The following SCAPER variants were observed in gnomAD, a reference collection of about 807,000 sequenced individuals.
SCAPER encodes S-phase cyclin A associated protein in the ER.
Under a neutral mutation model 182.2 loss-of-function variants are expected in SCAPER, and 98 were observed. The ratio of observed to expected loss-of-function variants is 0.54; its 90% CI spans 0.46 to 0.64. The LOEUF is 0.64. Ranked by LOEUF, SCAPER falls within the 30% of genes least tolerant of loss-of-function variation. The pLI is 0.00. For missense variants in SCAPER, 1,432 were observed against 1,690.0 expected, an observed-to-expected ratio of 0.85 and a Z score of 2.68; for synonymous variants, 605 against 564.6, an observed-to-expected ratio of 1.07 and a Z score of -1.01.
At chr15:76,755,182 G>A (rs2062344596) in intron 14 of SCAPER, among the ~76,000 whole-genome samples, 1 of 152,164 alleles carries the variant, frequency 6.6e-6, no homozygotes, top group Non-Finnish European at 1.5e-5. Context: ...CTGTGATTGT[G>A]TTAGAGCACT....
chr15:76,472,410 T>C (rs777514936), intron 24 of SCAPER: 5 of 632,820 alleles, frequency 7.9e-6, no homozygotes, highest in East Asian at 3.2e-5. Context: ...GGTGACTGTA[T>C]AGTTTGAAAT....
intron 23 of SCAPER, among the ~76,000 whole-genome samples, chr15:76,552,657 C>G (rs1001657642): frequency 6.6e-6 from 1 of 152,126 alleles, no homozygotes; most frequent in East Asian, 1.9e-4. Flanking sequence ...AGAAAAGTAG[C>G]AGAGCAGGAC....
intron 25 of SCAPER, among the ~76,000 whole-genome samples, chr15:76,468,493 G>A (rs2049866006): frequency 6.6e-6 from 1 of 152,090 alleles, no homozygotes; most frequent in African/African-American, 2.4e-5. Flanking sequence ...AAGGGAACTA[G>A]GGCTTTATTA....
At chr15:76,469,207 T>C (rs773120121) in intron 25 of SCAPER, among the ~76,000 whole-genome samples, 1 of 152,216 alleles carries the variant, frequency 6.6e-6, no homozygotes, top group African/African-American at 2.4e-5. Flanking sequence ...TTCAAAGTAA[T>C]GTCTCTTATT....
chr15:76,528,441 C>T (rs781643895), intron 23 of SCAPER, among the ~76,000 whole-genome samples: 4 of 152,170 alleles, frequency 2.6e-5, no homozygotes, highest in African/African-American at 4.8e-5. Flanking sequence ...AGCACATCAA[C>T]ATGTCCAGAG....
intron 15 of SCAPER, among the ~76,000 whole-genome samples, chr15:76,744,482 GA>G (rs2061694772): frequency 6.6e-6 from 1 of 152,020 alleles, no homozygotes; most frequent in Non-Finnish European, 1.5e-5. Flanking sequence ...CAAAAGACAT[GA>G]ATTGACATTT....
chr15:76,714,999 T>C (rs2059811521), intron 17 of SCAPER, among the ~76,000 whole-genome samples: 1 of 152,070 alleles, frequency 6.6e-6, no homozygotes, highest in Non-Finnish European at 1.5e-5. Context: ...CCCAGCAGCA[T>C]GACATCCCCC....
intron 25 of SCAPER, among the ~76,000 whole-genome samples, chr15:76,460,310 A>G (rs887971344): frequency 6.6e-6 from 1 of 152,006 alleles, no homozygotes; most frequent in Non-Finnish European, 1.5e-5. Flanking sequence ...TAAGAATTTT[A>G]TTTTTATAGC....
chr15:76,794,447 G>C (rs1019822373), intron 8 of SCAPER, among the ~76,000 whole-genome samples: 1 of 152,094 alleles, frequency 6.6e-6, no homozygotes, highest in African/African-American at 2.4e-5. Flanking sequence ...CTACTACTAA[G>C]TTAGTATGAA....
chr15:76,858,821 G>A (rs927292778), intron 3 of SCAPER, among the ~76,000 whole-genome samples: 3 of 151,954 alleles, frequency 2.0e-5, no homozygotes, highest in Non-Finnish European at 2.9e-5. Context: ...TTATGGCTAC[G>A]TAGTAGTCCA....
intron 22 of SCAPER, among the ~76,000 whole-genome samples, chr15:76,586,387 A>C (rs1183876361): frequency 1.3e-5 from 2 of 152,128 alleles, no homozygotes; most frequent in Non-Finnish European, 2.9e-5. Flanking sequence ...TTAATTAAAT[A>C]AATTTAGGGC....
chr15:76,606,530 G>T (rs1281730107), intron 22 of SCAPER, among the ~76,000 whole-genome samples: 2 of 151,874 alleles, frequency 1.3e-5, no homozygotes, highest in African/African-American at 4.8e-5. Flanking sequence ...TGTCTATTAG[G>T]TCCACTTGGT....
At chr15:76,747,551 T>C (rs1377073176) in intron 15 of SCAPER, among the ~76,000 whole-genome samples, 2 of 151,998 alleles carry the variant, frequency 1.3e-5, no homozygotes, top group African/African-American at 4.8e-5. Context: ...ATTGCCAATG[T>C]TGGAGGTAGA....
intron 22 of SCAPER, among the ~76,000 whole-genome samples, chr15:76,575,057 C>T (rs1370337584): frequency 6.6e-6 from 1 of 152,164 alleles, no homozygotes; most frequent in Admixed American, 6.5e-5. Context: ...AAATGTCCTA[C>T]ATTTCCTCTC....
chr15:76,757,996 A>G (rs1317361093), intron 14 of SCAPER, among the ~76,000 whole-genome samples: 1 of 152,078 alleles, frequency 6.6e-6, no homozygotes, highest in Non-Finnish European at 1.5e-5. Context: ...AATATTTTAG[A>G]TATTAATGCC....
intron 27 of SCAPER, among the ~76,000 whole-genome samples, chr15:76,387,652 A>G (rs1298649618): frequency 6.6e-6 from 1 of 152,234 alleles, no homozygotes; most frequent in Non-Finnish European, 1.5e-5. Flanking sequence ...AATAGTCACC[A>G]GTAGGGTAAG....
intron 1 of SCAPER, among the ~76,000 whole-genome samples, chr15:76,901,721 TA>T (rs1431097929): frequency 1.5e-5 from 1 of 67,672 alleles, no homozygotes; most frequent in Non-Finnish European, 3.1e-5. Context: ...TAATTTCTAA[TA>T]ATTTTTTTTT....
At position 76,884,522 on chromosome 15, in the gene SCAPER, AAAC is replaced by A. The variant is rs535777037; in HGVS notation, c.-59-649_-59-647del. ...CACAGGGACTGGGAAATTGCTTAAC[AAAC>A]AACAACAACAACAACAAAAATGACC... On this transcript the variant is annotated intron_variant, in intron 1 of 31. Coordinates refer to ENST00000563290, the MANE Select transcript of SCAPER (RefSeq NM_020843.4). Among the ~76,000 whole-genome samples the A allele has an allele frequency of 1.8e-3, 269 of 152,246 alleles. 1 individual carries two copies. The highest frequency in any genetic ancestry group is 2.7e-3 in the Non-Finnish European group (181 of 68,000).
chr15:76,840,960 C>T (rs2069416777), intron 5 of SCAPER, among the ~76,000 whole-genome samples: 1 of 152,100 alleles, frequency 6.6e-6, no homozygotes. Context: ...TTTTCCCTGA[C>T]CAAAGTGAAT....
Sources: allele counts gnomAD v4.1 joint callset (sites outside exome capture counted in the v4.1 genomes callset), GRCh38; gene constraint gnomAD v4.1.1; transcripts MANE v1.5; gene names NCBI Gene and HGNC (gene_info 2026-07-23, HGNC 2026-07-21).